The following FBXO34 variants were observed in gnomAD, a reference collection of about 807,000 sequenced individuals.
FBXO34 encodes the protein F-box protein 34.
In FBXO34, 12 loss-of-function variants were observed where a neutral mutation model predicts 24.5. That is an observed-to-expected ratio of 0.49 (90% CI 0.31 to 0.79). FBXO34 has a LOEUF of 0.79. FBXO34 is among the 30% of genes least tolerant of loss of function. The pLI, the probability that FBXO34 is intolerant of heterozygous loss-of-function variation, is 0.04. For missense variants in FBXO34, 823 were observed against 857.7 expected (o/e 0.96, Z 0.51); for synonymous variants, 320 against 311.9 (o/e 1.03, Z -0.27).
intron 1 of FBXO34, among the ~76,000 whole-genome samples, chr14:55,308,925 A>G (rs1882642942): frequency 6.6e-6 from 1 of 152,232 alleles, no homozygotes; most frequent in Admixed American, 6.5e-5. Context: ...TGATTTTGTC[A>G]TCAACAGAAA....
the FBXO34 span, chr14:55,385,917 G>A: frequency 6.2e-7 from 1 of 1,614,004 alleles, no homozygotes; most frequent in Admixed American, 1.7e-5. Flanking sequence ...TCTAATATAT[G>A]GGATCGTCGA....
At chr14:55,436,666 G>A in the FBXO34 span, 2 of 1,614,206 alleles carry the variant, frequency 1.2e-6, no homozygotes, top group South Asian at 2.2e-5. Context: ...CTCAGGAGAG[G>A]GCTGGACTGA....
exon 3 of FBXO34, chr14:55,367,589 C>T (rs1246654982): frequency 1.3e-5 from 2 of 152,136 alleles, no homozygotes; most frequent in African/African-American, 2.4e-5. Flanking sequence ...TACTAAAATA[C>T]AAAAATTAGC....
At chr14:55,384,623 C>T in the FBXO34 span, among the ~76,000 whole-genome samples, 1 of 152,224 alleles carries the variant, frequency 6.6e-6, no homozygotes, top group Non-Finnish European at 1.5e-5. Context: ...GCTTCTCAAG[C>T]TGGAAGTAGC....
the FBXO34 span, among the ~76,000 whole-genome samples, chr14:55,395,677 A>G: frequency 6.6e-6 from 1 of 152,342 alleles, no homozygotes; most frequent in Non-Finnish European, 1.5e-5. Context: ...TTTTTGCAAA[A>G]AAGAATAACA....
At chr14:55,343,485 G>T (rs960250566) in intron 1 of FBXO34, among the ~76,000 whole-genome samples, 1 of 151,950 alleles carries the variant, frequency 6.6e-6, no homozygotes, top group African/African-American at 2.4e-5. Context: ...TCCTGACCTC[G>T]TGATCTGCCT....
At chr14:55,385,941 G>A in the FBXO34 span, 4 of 1,614,126 alleles carry the variant, frequency 2.5e-6, no homozygotes, top group East Asian at 4.5e-5. Context: ...TTTGCCAGAC[G>A]CTCATAATGA....
chr14:55,319,821 G>T (rs958284522), intron 1 of FBXO34, among the ~76,000 whole-genome samples: 3 of 152,106 alleles, frequency 2.0e-5, no homozygotes, highest in Non-Finnish European at 4.4e-5. Context: ...GACTATGGGT[G>T]CCCGCCACCA....
intron 1 of FBXO34, among the ~76,000 whole-genome samples, chr14:55,275,595 A>C (rs1424134151): frequency 6.6e-6 from 1 of 151,722 alleles, no homozygotes; most frequent in Non-Finnish European, 1.5e-5. Context: ...CGGGCAGAAC[A>C]CGAGGTCAGG....
At chr14:55,428,715 C>T in the FBXO34 span, 115 of 1,300,230 alleles carry the variant, frequency 8.8e-5, no homozygotes, top group Non-Finnish European at 1.2e-4. Context: ...TTTTTAATCA[C>T]AATTTCTCTG....
chr14:55,431,365 T>A, the FBXO34 span, among the ~76,000 whole-genome samples: 1 of 152,238 alleles, frequency 6.6e-6, no homozygotes, highest in Non-Finnish European at 1.5e-5. Flanking sequence ...CATGAGCATA[T>A]TTTACAATGA....
chr14:55,370,481 T>C (rs1287572342), downstream of FBXO34, among the ~76,000 whole-genome samples: 1 of 152,234 alleles, frequency 6.6e-6, no homozygotes, highest in Non-Finnish European at 1.5e-5. Flanking sequence ...CAATGTTGTA[T>C]ATTTCTGCAC....
the FBXO34 span, chr14:55,411,472 A>G: frequency 1.5e-5 from 14 of 908,610 alleles, no homozygotes; most frequent in African/African-American, 2.3e-4. Flanking sequence ...GCAGCTAGCT[A>G]CACTCCCTCT....
At chr14:55,429,000 G>A in the FBXO34 span, 10 of 1,612,632 alleles carry the variant, frequency 6.2e-6, no homozygotes, top group Admixed American at 1.7e-4. Context: ...TATGTTTAAA[G>A]ATGTCTTAAT....
chr14:55,322,629 C>T (rs1423034763), intron 1 of FBXO34, among the ~76,000 whole-genome samples: 2 of 152,078 alleles, frequency 1.3e-5, no homozygotes, highest in Non-Finnish European at 2.9e-5. Context: ...AGCCACCATG[C>T]CTGGCCAGTG....
At position 55,352,328 on chromosome 14, in the gene FBXO34, G is replaced by C. The variant is rs767959423; in HGVS notation, c.1938G>C (p.Leu646=). ...KKKYVKGDVS[L]CRWHPKPYCQ... The stretch of plus-strand genomic sequence containing the variant: ...AGTATGTGAAAGGGGATGTGTCCCT[G>C]TGCCGATGGCACCCCAAGCCCTATT... Residue 646 remains leucine (L), a synonymous_variant, in exon 2 of 2, where the codon CTG becomes CTC. Transcript: ENST00000313833. 1 of 1,614,196 alleles carries C rather than the reference G, an allele frequency of 6.2e-7. No homozygotes were observed. The highest frequency in any genetic ancestry group is 1.1e-5 in the South Asian group (1 of 91,088).
the FBXO34 span, among the ~76,000 whole-genome samples, chr14:55,439,191 G>A: frequency 0.059 from 8,949 of 150,478 alleles, 339 homozygotes; most frequent in Non-Finnish European, 0.086. Flanking sequence ...CACGTGCCTC[G>A]GCCTCCCAAA....
chr14:55,348,273 G>A (rs936804526), intron 1 of FBXO34, among the ~76,000 whole-genome samples: 1 of 152,088 alleles, frequency 6.6e-6, no homozygotes, highest in Non-Finnish European at 1.5e-5. Context: ...GTGTTGCCCA[G>A]GCTAGAGTAT....
the FBXO34 span, chr14:55,385,717 G>GTTT: frequency 2.5e-6 from 2 of 809,170 alleles, no homozygotes; most frequent in Non-Finnish European, 3.8e-6. Flanking sequence ...CGTACTGTTT[G>GTTT]TTGAAACAGA....
Sources: allele counts gnomAD v4.1 joint callset (sites outside exome capture counted in the v4.1 genomes callset), GRCh38; gene constraint gnomAD v4.1.1; transcripts MANE v1.5; gene names NCBI Gene and HGNC (gene_info 2026-07-23, HGNC 2026-07-21).